The following CSGALNACT1 variants were observed in gnomAD, a reference collection of about 807,000 sequenced individuals.
CSGALNACT1 encodes chondroitin sulfate N-acetylgalactosaminyltransferase 1, also known as beta4GalNAcT-1.
Under a neutral mutation model 51.0 loss-of-function variants are expected in CSGALNACT1, and 52 were observed. The observed-to-expected ratio is 1.02, with a 90% confidence interval of 0.82 to 1.29. The LOEUF (loss-of-function observed/expected upper bound fraction) is 1.29. Ranked by LOEUF, CSGALNACT1 falls within the 50% of genes most tolerant of loss-of-function variation. The probability of loss-of-function intolerance (pLI) is 0.00; values close to 1 mark genes in which losing one functional copy is unlikely to be tolerated. For synonymous variants in CSGALNACT1, 341 were observed against 254.4 expected (o/e 1.34, Z -3.24); for missense variants, 935 against 679.2 (o/e 1.38, Z -4.19).
At chr8:19,647,059 A>C (rs1031023995) in intron 1 of CSGALNACT1, among the ~76,000 whole-genome samples, 3 of 151,908 alleles carry the variant, frequency 2.0e-5, no homozygotes, top group Non-Finnish European at 4.4e-5. Flanking sequence ...GTGGTCCCCT[A>C]AATAAGAAGC....
At chr8:19,659,942 CTTA>C (rs1345975039) in intron 1 of CSGALNACT1, among the ~76,000 whole-genome samples, 1 of 152,242 alleles carries the variant, frequency 6.6e-6, no homozygotes. Context: ...TTACCGAATA[CTTA>C]TTATATGCTA....
chr8:19,437,337 T>G (rs1004704967), intron 6 of CSGALNACT1, among the ~76,000 whole-genome samples: 1 of 152,046 alleles, frequency 6.6e-6, no homozygotes, highest in African/African-American at 2.4e-5. Context: ...CCAGTTTGGC[T>G]AGGGAGCAGT....
intron 3 of CSGALNACT1, among the ~76,000 whole-genome samples, chr8:19,518,779 C>T (rs1212735451): frequency 1.3e-5 from 2 of 152,206 alleles, no homozygotes; most frequent in Non-Finnish European, 2.9e-5. Flanking sequence ...AGCACAGGCC[C>T]TAAGCAGATT....
intron 3 of CSGALNACT1, among the ~76,000 whole-genome samples, chr8:19,509,486 G>A (rs1362505657): frequency 6.6e-6 from 1 of 151,880 alleles, no homozygotes; most frequent in Non-Finnish European, 1.5e-5. Context: ...AGGTATCGTG[G>A]TGCGTGCAGC....
intron 4 of CSGALNACT1, among the ~76,000 whole-genome samples, chr8:19,467,579 A>C (rs1017054180): frequency 1.3e-5 from 2 of 152,014 alleles, no homozygotes; most frequent in African/African-American, 4.8e-5. Context: ...GTTCCTCCTC[A>C]AGTGGCCTGC....
chr8:19,626,037 C>G lies in CSGALNACT1; in HGVS notation c.-543-24172G>C, dbSNP rs533103751. 1.3e-4 allele frequency among the ~76,000 whole-genome samples: 20 copies of G among 152,194 alleles called. No homozygotes were observed. In the South Asian group the frequency reaches 3.3e-3, roughly 25 times the overall value. ...TTAACATTTAAATTAACAGATAATC[C>G]TAGCAAGATTTTTTGTAGATATACA... On this transcript the variant is annotated intron_variant, in intron 1 of 9. Transcript: ENST00000332246.
At chr8:19,649,581 G>A (rs1244166291) in intron 1 of CSGALNACT1, among the ~76,000 whole-genome samples, 2 of 151,742 alleles carry the variant, frequency 1.3e-5, no homozygotes, top group East Asian at 3.9e-4. Flanking sequence ...CAAAAAGATG[G>A]AAAAGACAAC....
intron 5 of CSGALNACT1, among the ~76,000 whole-genome samples, chr8:19,456,401 C>G (rs13261824): frequency 0.47 from 71,901 of 152,030 alleles, 18,405 homozygotes; most frequent in East Asian, 0.85. Context: ...GCTTCTTTGC[C>G]AAATGAACTT....
At chr8:19,640,732 G>A (rs944013309) in intron 1 of CSGALNACT1, among the ~76,000 whole-genome samples, 3 of 152,036 alleles carry the variant, frequency 2.0e-5, no homozygotes, top group African/African-American at 4.8e-5. Flanking sequence ...TGCCTGACTC[G>A]CATGCTATAA....
intron 1 of CSGALNACT1, among the ~76,000 whole-genome samples, chr8:19,616,045 T>C (rs1053175086): frequency 1.3e-5 from 2 of 152,166 alleles, no homozygotes; most frequent in South Asian, 2.1e-4. Context: ...ATATACAAGA[T>C]TGAATAAAAT....
At chr8:19,515,642 C>T (rs761437141) in intron 3 of CSGALNACT1, among the ~76,000 whole-genome samples, 2 of 152,228 alleles carry the variant, frequency 1.3e-5, no homozygotes, top group Admixed American at 6.5e-5. Context: ...AAGCTGGCAC[C>T]TGCTAATCAG....
At chr8:19,719,078 T>C (rs951467183) in intron 1 of CSGALNACT1, among the ~76,000 whole-genome samples, 1 of 152,198 alleles carries the variant, frequency 6.6e-6, no homozygotes, top group African/African-American at 2.4e-5. Flanking sequence ...GCTAAATTTG[T>C]ACCCTATTTC....
chr8:19,641,188 T>G (rs1347050238), intron 1 of CSGALNACT1, among the ~76,000 whole-genome samples: 2 of 133,598 alleles, frequency 1.5e-5, no homozygotes, highest in East Asian at 5.2e-4. Flanking sequence ...TCACTTCTCC[T>G]CCCAACAAGA....
chr8:19,534,960 G>A (rs2083458748), intron 3 of CSGALNACT1, among the ~76,000 whole-genome samples: 1 of 152,086 alleles, frequency 6.6e-6, no homozygotes, highest in Admixed American at 6.6e-5. Context: ...CCTGACCACT[G>A]CCGAAATATA....
intron 1 of CSGALNACT1, among the ~76,000 whole-genome samples, chr8:19,619,541 C>A (rs1206169373): frequency 6.6e-6 from 1 of 151,970 alleles, no homozygotes. Context: ...AAGGTTCCAG[C>A]AGTTACCCAA....
intron 1 of CSGALNACT1, among the ~76,000 whole-genome samples, chr8:19,680,558 CGCCCCA>C (rs2060522789): frequency 3.0e-5 from 1 of 33,104 alleles, no homozygotes; most frequent in African/African-American, 1.1e-4. Flanking sequence ...TCTGCACCCT[CGCCCCA>C]CCCCCCCCCC....
chr8:19,485,869 C>A lies in CSGALNACT1; in HGVS notation c.634+19332G>T, dbSNP rs561187457. 1.2e-3 allele frequency among the ~76,000 whole-genome samples: 163 copies of A among 140,910 alleles called. 1 individual carries two copies. The highest frequency in any genetic ancestry group is 4.0e-3 in the African/African-American group (154 of 38,134). The allele number at this position is 140,910 out of a possible 152,430, so 92.4% of individuals were successfully genotyped here. A position where few individuals can be genotyped will look rare whatever the true frequency, so the allele number is the denominator to read the frequency against. ...ACAACCTCTGCCTACCAGGTTCAAG[C>A]AAATCTTCTGCCTCAACTTCCCAAG... On this transcript the variant is annotated intron_variant, in intron 4 of 9. Transcript: ENST00000454498.
intron 9 of CSGALNACT1, among the ~76,000 whole-genome samples, chr8:19,408,130 G>A (rs1417627326): frequency 6.6e-6 from 1 of 152,118 alleles, no homozygotes. Flanking sequence ...CCAGGACCCC[G>A]CTGGGAGGAG....
chr8:19,567,887 T>C (rs964367416), intron 3 of CSGALNACT1, among the ~76,000 whole-genome samples: 14 of 152,168 alleles, frequency 9.2e-5, no homozygotes, highest in African/African-American at 3.4e-4. Flanking sequence ...AAAGATACCA[T>C]TTACTATGTC....
Sources: allele counts gnomAD v4.1 joint callset (sites outside exome capture counted in the v4.1 genomes callset), GRCh38; gene constraint gnomAD v4.1.1; transcripts MANE v1.5; gene names NCBI Gene and HGNC (gene_info 2026-07-23, HGNC 2026-07-21).